Variants in PPP1R16B observed in about 807,000 individuals in gnomAD.
PPP1R16B encodes the protein protein phosphatase 1 regulatory subunit 16B.
Under a neutral mutation model 61.7 loss-of-function variants are expected in PPP1R16B, and 14 were observed. That is an observed-to-expected ratio of 0.23 (90% confidence interval 0.15 to 0.35). PPP1R16B has a LOEUF of 0.35. Ranked by LOEUF, PPP1R16B falls within the 10% of genes least tolerant of loss-of-function variation. The probability of loss-of-function intolerance (pLI) is 1.00; values close to 1 mark genes in which losing one functional copy is unlikely to be tolerated. For synonymous variants in PPP1R16B, 266 were observed against 305.3 expected, an observed-to-expected ratio of 0.87 and a Z score of 1.34; for missense variants, 547 against 752.5, an observed-to-expected ratio of 0.73 and a Z score of 3.19.
intron 2 of PPP1R16B, 48 bp downstream of exon 2, chr20:38,836,223 A>T (rs1464353210): frequency 1.3e-6 from 2 of 1,572,784 alleles, no homozygotes; most frequent in Admixed American, 3.4e-5. Context: ...TTGGCCTCTG[A>T]TCAGGGTTTG....
intron 2 of PPP1R16B, among the ~76,000 whole-genome samples, chr20:38,852,476 A>C (rs146932450): frequency 1.3e-5 from 2 of 152,294 alleles, no homozygotes; most frequent in East Asian, 3.9e-4. Flanking sequence ...ACCATGGTCG[A>C]TCACCAAGGT....
Position 38,903,107 on chromosome 20 carries a change from C to T in PPP1R16B, c.696+315C>T, listed in dbSNP as rs147039525. Among the ~76,000 whole-genome samples, 1,501 of 152,284 alleles carry T rather than the reference C, an allele frequency of 9.9e-3. 8 individuals carry two copies. Among genetic ancestry groups the T allele is most frequent in the Middle Eastern group, 0.027 (8 of 294 alleles). ...TTGTGATTGCACCAATGCACTCTAG[C>T]CTGGGTGACAGAAAGACTTTGTCTT... On this transcript the variant is annotated intron_variant, in intron 6 of 10. Coordinates refer to ENST00000299824, the MANE Select transcript of PPP1R16B (RefSeq NM_015568.4).
At chr20:38,843,242 T>C (rs2084919662) in intron 2 of PPP1R16B, among the ~76,000 whole-genome samples, 1 of 152,282 alleles carries the variant, frequency 6.6e-6, no homozygotes, top group Non-Finnish European at 1.5e-5. Flanking sequence ...CTGTTGGCTA[T>C]CTGCTTCTGC....
chr20:38,900,523 C>T, intron 4 of PPP1R16B, 58 bp from the exon 5 acceptor site: 1 of 1,391,746 alleles, frequency 7.2e-7, no homozygotes, highest in Non-Finnish European at 1.0e-6. Context: ...AGGGCAGAGG[C>T]AGCTAGACCA....
chr20:38,846,915 G>A (rs1396243699), intron 2 of PPP1R16B, among the ~76,000 whole-genome samples: 2 of 152,132 alleles, frequency 1.3e-5, no homozygotes, highest in Non-Finnish European at 2.9e-5. Context: ...GGAGGTGGGA[G>A]GAACTTTTGA....
At position 38,907,026 on chromosome 20, in the gene PPP1R16B, A is replaced by G. The variant is rs750565442; in HGVS notation, c.870A>G (p.Ala290=). The change falls in exon 8 of 11, where the codon GCA becomes GCG. Residue 290 remains alanine (A), a synonymous_variant. Coordinates refer to ENST00000299824, the MANE Select transcript of PPP1R16B (RefSeq NM_015568.4). This position sits in a 1 kb window ranked among gnomAD's most constrained non-coding sequence, Gnocchi z 4.5. ...LLVSHGASLS[A]RTSMDEMPID... ...TGTCCCATGGAGCTAGTCTCAGTGC[A>G]AGGACATCCATGGATGAGATGCCAA... 3.1e-6 allele frequency: 5 copies of G among 1,614,038 alleles called. No homozygotes were observed. In the South Asian group the frequency reaches 4.4e-5, roughly 14 times the overall value.
chr20:38,821,846 C>T (rs1225063625), intron 1 of PPP1R16B, among the ~76,000 whole-genome samples: 1 of 151,872 alleles, frequency 6.6e-6, no homozygotes, highest in Non-Finnish European at 1.5e-5. Flanking sequence ...TGAGATTGGT[C>T]TCCATTGATT....
intron 2 of PPP1R16B, among the ~76,000 whole-genome samples, chr20:38,879,006 C>T (rs150720661): frequency 1.2e-3 from 187 of 152,216 alleles, no homozygotes; most frequent in African/African-American, 3.6e-3. Context: ...AGCTCCCGGA[C>T]GGCCAGTGCG....
At chr20:38,864,976 T>G (rs1169379684) in intron 2 of PPP1R16B, among the ~76,000 whole-genome samples, 1 of 152,214 alleles carries the variant, frequency 6.6e-6, no homozygotes, top group East Asian at 1.9e-4. Context: ...ATGGGCTGGG[T>G]TGGCCTGGAA....
At chr20:38,897,856 G>A (rs750351062) in intron 4 of PPP1R16B, among the ~76,000 whole-genome samples, 5 of 152,310 alleles carry the variant, frequency 3.3e-5, no homozygotes, top group Non-Finnish European at 7.4e-5. Context: ...GATGAGTGAC[G>A]TTGAGCATCT....
chr20:38,905,989 T>C lies in PPP1R16B; in HGVS notation c.717T>C (p.Asn239=). 6.2e-7 allele frequency: 1 copy of C among 1,613,410 alleles called. No individual in the cohort carries two copies. ...GATLLHIAGA[N]GYLRAAELLL... The stretch of plus-strand genomic sequence containing the variant: ...TCCAGCTGCACATAGCTGGAGCCAA[T>C]GGATACCTGCGGGCAGCTGAGCTCC... The change falls in exon 7 of 11, where the codon AAT becomes AAC. Residue 239 remains asparagine, a synonymous_variant. Transcript: ENST00000299824.
chr20:38,871,492 A>C (rs2085128606), intron 2 of PPP1R16B, among the ~76,000 whole-genome samples: 1 of 151,456 alleles, frequency 6.6e-6, no homozygotes, highest in East Asian at 1.9e-4. Flanking sequence ...ATGTTCAATC[A>C]ATGTCTGTGG....
intron 2 of PPP1R16B, among the ~76,000 whole-genome samples, chr20:38,859,110 A>T (rs1015194866): frequency 6.6e-6 from 1 of 151,988 alleles, no homozygotes; most frequent in Non-Finnish European, 1.5e-5. Flanking sequence ...AGGGACCAAG[A>T]CCCCACCTTC....
intron 1 of PPP1R16B, among the ~76,000 whole-genome samples, chr20:38,814,956 G>A (rs2084725924): frequency 6.6e-6 from 1 of 152,104 alleles, no homozygotes; most frequent in Admixed American, 6.5e-5. Context: ...CCCATGGACT[G>A]GATAGAGAGG....
intron 6 of PPP1R16B, among the ~76,000 whole-genome samples, chr20:38,904,233 C>T (rs982896632): frequency 6.6e-6 from 1 of 152,236 alleles, no homozygotes; most frequent in Admixed American, 6.5e-5. Flanking sequence ...CATTACCCAG[C>T]CTCATTGCAG....
At chr20:38,862,196 G>C (rs1409058189) in intron 2 of PPP1R16B, among the ~76,000 whole-genome samples, 1 of 152,234 alleles carries the variant, frequency 6.6e-6, no homozygotes, top group East Asian at 1.9e-4. Flanking sequence ...ATGAGGAGGG[G>C]ACAGTTAATG....
intron 2 of PPP1R16B, among the ~76,000 whole-genome samples, chr20:38,874,278 C>T (rs1488012762): frequency 1.3e-5 from 2 of 152,164 alleles, no homozygotes; most frequent in African/African-American, 4.8e-5. Context: ...AGCTTGAAGA[C>T]TGGGCCCTAC....
At chr20:38,890,986 A>C in intron 3 of PPP1R16B, among the ~76,000 whole-genome samples, 1 of 151,376 alleles carries the variant, frequency 6.6e-6, no homozygotes. Context: ...CAGTACCCCC[A>C]CTCCATCTGC....
At chr20:38,835,369 A>C (rs1055326507) in intron 1 of PPP1R16B, among the ~76,000 whole-genome samples, 2 of 152,196 alleles carry the variant, frequency 1.3e-5, no homozygotes, top group Admixed American at 1.3e-4. Context: ...TCCAGCACTC[A>C]GATACCCAAA....
Sources: allele counts gnomAD v4.1 joint callset (sites outside exome capture counted in the v4.1 genomes callset), GRCh38; gene constraint gnomAD v4.1.1; non-coding constraint Gnocchi (gnomAD v3.1); transcripts MANE v1.5; gene names NCBI Gene and HGNC (gene_info 2026-07-23, HGNC 2026-07-21).